MFSD6: variants seen among roughly 807,000 people sequenced by gnomAD.
MFSD6 encodes major facilitator superfamily domain-containing protein 6.
MFSD6 carries 26 observed loss-of-function variants against 56.3 expected under a neutral mutation model. The ratio of observed to expected loss-of-function variants is 0.46; its 90% CI spans 0.34 to 0.64. MFSD6 has a LOEUF of 0.64. Ranked by LOEUF, MFSD6 falls within the 30% of genes least tolerant of loss-of-function variation. The probability of loss-of-function intolerance (pLI) is 0.01; values close to 1 mark genes in which losing one functional copy is unlikely to be tolerated. For synonymous variants in MFSD6, 331 were observed against 366.9 expected (o/e 0.90, Z 1.12); for missense variants, 750 against 986.2 (o/e 0.76, Z 3.21).
In MFSD6 at chr2:190,410,511, A is replaced by AT. The variant is rs1319652266; in HGVS notation, c.-176+2009dup. On this transcript the variant is annotated intron_variant, in intron 1 of 7. Coordinates refer to ENST00000392328, the MANE Select transcript of MFSD6 (RefSeq NM_017694.4). This position sits in a 1 kb window ranked among gnomAD's most constrained non-coding sequence, Gnocchi z 4.4. ...TGATTTCAATGTACATGTATTACTT[A>AT]TGTTAACATTTAGCCATGTAGGATA... 3.9e-5 allele frequency among the ~76,000 whole-genome samples: 6 copies of AT among 152,214 alleles called. No homozygotes were observed. Among genetic ancestry groups the AT allele is most frequent in the Admixed American group, 1.3e-4 (2 of 15,290 alleles).
intron 3 of MFSD6, among the ~76,000 whole-genome samples, chr2:190,446,617 C>T (rs2125075450): frequency 6.6e-6 from 1 of 152,240 alleles, no homozygotes; most frequent in South Asian, 2.1e-4. Flanking sequence ...ACTAGGAAGG[C>T]ACATTCATTT....
chr2:190,424,197 A>G lies in MFSD6; in HGVS notation c.-54+8784A>G, dbSNP rs1685717810. The stretch of plus-strand genomic sequence containing the variant: ...TCATGGTATCGGTGTCAAGTCTAAA[A>G]ACTCTGCCTAGCACTAGAGGCTAAA... On this transcript the variant is annotated intron_variant, in intron 2 of 7. Transcript: ENST00000392328. This position sits in a 1 kb window ranked among gnomAD's most constrained non-coding sequence, Gnocchi z 5.9. 6.7e-6 allele frequency among the ~76,000 whole-genome samples: 1 copy of G among 149,912 alleles called. No individual in the cohort carries two copies. The highest frequency in any genetic ancestry group is 2.4e-5 in the African/African-American group (1 of 40,852).
Position 190,457,820 on chromosome 2 carries a change from G to A in MFSD6, c.1533-11938G>A, listed in dbSNP as rs896293259. Among the ~76,000 whole-genome samples, 20 of 152,160 alleles carry A rather than the reference G, an allele frequency of 1.3e-4. No individual in the cohort carries two copies. Among genetic ancestry groups the A allele is most frequent in the Admixed American group, 3.9e-4 (6 of 15,274 alleles). On this transcript the variant is annotated intron_variant, in intron 3 of 7. Coordinates refer to ENST00000392328, the MANE Select transcript of MFSD6 (RefSeq NM_017694.4). The surrounding 1 kb of genome is among the most constrained non-coding windows in gnomAD (Gnocchi z 5.1). ...CCTCAACTATGCATGTGCCCTGGAT[G>A]CCACCACCTTGGCCAGCGTGCAGCA...
At position 190,431,855 on chromosome 2, in the gene MFSD6, TTTTA is replaced by T. The variant is rs1686015784; in HGVS notation, c.-53-4119_-53-4116del. On this transcript the variant is annotated intron_variant, in intron 2 of 7. Transcript: ENST00000392328. This position sits in a 1 kb window ranked among gnomAD's most constrained non-coding sequence, Gnocchi z 4.4. ...TATAATACTTATAAATTCCAGAGCT[TTTTA>T]TTCAAGTATTCCTTTTATCTGTCCA... Among the ~76,000 whole-genome samples the T allele has an allele frequency of 6.6e-6, 1 of 152,372 alleles. No homozygotes were observed. Among genetic ancestry groups the T allele is most frequent in the Non-Finnish European group, 1.5e-5 (1 of 68,030 alleles).
chr2:190,489,642 C>A lies in MFSD6; in HGVS notation c.1793-126C>A. On this transcript the variant is annotated intron_variant, in intron 5 of 7. Transcript: ENST00000392328. This position sits in a 1 kb window ranked among gnomAD's most constrained non-coding sequence, Gnocchi z 6.6. ...TCCATTATGTGGAGCTAATACCCAA[C>A]TACTTTTCTCTGGTTTGTCTCAAGC... is the stretch of plus-strand genomic sequence containing the variant. The A allele has an allele frequency of 1.2e-6, 1 of 834,724 alleles. No homozygotes were observed. Among genetic ancestry groups the A allele is most frequent in the Non-Finnish European group, 1.9e-6 (1 of 538,878 alleles). The allele number at this position is 834,724 out of a possible 1,614,324, so 51.7% of individuals were successfully genotyped here.
chr2:190,497,372 A>AT lies in MFSD6; in HGVS notation c.1892-62dup. ...TATGGGATTCTTGGTTTATTTATTTATTTTTACCTTTGTTCAAATATGTAG... is the reference window on the plus strand; with the variant it reads ...TATGGGATTCTTGGTTTATTTATTTATTTTTTACCTTTGTTCAAATATGTAG... On this transcript the variant is annotated intron_variant, in intron 6 of 7. Coordinates refer to ENST00000392328, the MANE Select transcript of MFSD6 (RefSeq NM_017694.4). The surrounding 1 kb of genome is among the most constrained non-coding windows in gnomAD (Gnocchi z 5.2). 1 of 1,537,846 alleles carries AT rather than the reference A, an allele frequency of 6.5e-7. No individual in the cohort carries two copies. Among genetic ancestry groups the AT allele is most frequent in the Non-Finnish European group, 8.8e-7 (1 of 1,136,458 alleles).
chr2:190,486,350 TG>T (rs1689008097), intron 4 of MFSD6, among the ~76,000 whole-genome samples: 4 of 152,372 alleles, frequency 2.6e-5, no homozygotes, highest in Middle Eastern at 6.8e-3. Flanking sequence ...ATCAGTACTC[TG>T]CTGAATACGT....
Position 190,428,394 on chromosome 2 carries a change from T to C in MFSD6, c.-53-7583T>C, listed in dbSNP as rs1216942029. Among the ~76,000 whole-genome samples, 12 of 152,194 alleles carry C rather than the reference T, an allele frequency of 7.9e-5. No individual in the cohort carries two copies. In the East Asian group the frequency reaches 2.1e-3, roughly 27 times the overall value. On this transcript the variant is annotated intron_variant, in intron 2 of 7. Transcript: ENST00000392328. ...TAGCTATTCCCAGTTTTTAAAGTAG[T>C]GTATCAATTTACAGTCCCACCAGCA...
rs1410164930 is a variant in MFSD6, at chr2:190,412,158, C to T, written c.-175-3134C>T. 2 of 983,646 alleles carry T rather than the reference C, an allele frequency of 2.0e-6. No homozygotes were observed. Among genetic ancestry groups the T allele is most frequent in the Non-Finnish European group, 2.4e-6 (2 of 828,434 alleles). The allele number at this position is 983,646 out of a possible 1,614,324, so 60.9% of individuals were successfully genotyped here. On this transcript the variant is annotated intron_variant, in intron 1 of 7. Transcript: ENST00000392328. This position sits in a 1 kb window ranked among gnomAD's most constrained non-coding sequence, Gnocchi z 4.1. ...TTCTATGTAAAATTAACTAAAACCACTGCTTAGAATCCTTAAAAATTAATA... is the reference window on the plus strand; with the variant it reads ...TTCTATGTAAAATTAACTAAAACCATTGCTTAGAATCCTTAAAAATTAATA...
rs1690885506 is a variant in MFSD6 at position 190,418,558 on chromosome 2, C to G, written c.-54+3145C>G. Among the ~76,000 whole-genome samples the G allele has an allele frequency of 6.6e-6, 1 of 152,020 alleles. No homozygotes were observed. Among genetic ancestry groups the G allele is most frequent in the Non-Finnish European group, 1.5e-5 (1 of 68,024 alleles). On this transcript the variant is annotated intron_variant, in intron 2 of 7. Coordinates refer to ENST00000392328, the MANE Select transcript of MFSD6 (RefSeq NM_017694.4). This position sits in a 1 kb window ranked among gnomAD's most constrained non-coding sequence, Gnocchi z 4.1. ...ATCACTTGAGCCCAGGAGTTCAAGACCAGCCTGGGCAACATAGTGAGACCC... is the reference window on the plus strand; with the variant it reads ...ATCACTTGAGCCCAGGAGTTCAAGAGCAGCCTGGGCAACATAGTGAGACCC...
rs1423704290 is a variant in MFSD6, at chr2:190,415,818, G to A, written c.-54+405G>A. Among the ~76,000 whole-genome samples, 1 of 152,156 alleles carries A rather than the reference G, an allele frequency of 6.6e-6. No homozygotes were observed. Among genetic ancestry groups the A allele is most frequent in the Non-Finnish European group, 1.5e-5 (1 of 68,030 alleles). ...TAGGAAAATGTATTATAAACCTTGA[G>A]ATCTATATTCTGGTCTCAATTGTAA... On this transcript the variant is annotated intron_variant, in intron 2 of 7. Coordinates refer to ENST00000392328, the MANE Select transcript of MFSD6 (RefSeq NM_017694.4). The surrounding 1 kb of genome is among the most constrained non-coding windows in gnomAD (Gnocchi z 4.5).
intron 1 of MFSD6, among the ~76,000 whole-genome samples, chr2:190,409,300 C>G (rs150274282): frequency 5.3e-5 from 8 of 152,270 alleles, no homozygotes; most frequent in African/African-American, 1.9e-4. Flanking sequence ...ATCCCATCCC[C>G]ACATGGACAG....
rs189133680 is a variant in MFSD6, at chr2:190,439,667, C to T, written c.1532+2106C>T. ...CTTAACCTTAATTTTCTGGTTTTTA[C>T]GGACAAAAAGCATCTTCCATTTCTT... On this transcript the variant is annotated intron_variant, in intron 3 of 7. Transcript: ENST00000392328. This position sits in a 1 kb window ranked among gnomAD's most constrained non-coding sequence, Gnocchi z 5.8. Among the ~76,000 whole-genome samples, 49 of 152,174 alleles carry T rather than the reference C, an allele frequency of 3.2e-4. No homozygotes were observed. Among genetic ancestry groups the T allele is most frequent in the Admixed American group, 2.5e-3 (38 of 15,294 alleles).
chr2:190,409,498 T>C (rs540296135), intron 1 of MFSD6, among the ~76,000 whole-genome samples: 1 of 152,160 alleles, frequency 6.6e-6, no homozygotes, highest in Non-Finnish European at 1.5e-5. Context: ...CTTGGGCATG[T>C]CACATCTTCC....
At chr2:190,430,442 C>T (rs905744962) in intron 2 of MFSD6, among the ~76,000 whole-genome samples, 2 of 151,382 alleles carry the variant, frequency 1.3e-5, no homozygotes, top group Admixed American at 1.3e-4. Context: ...ATCTGTTTAA[C>T]AAAGCACATC....
chr2:190,436,618 G>A lies in MFSD6; in HGVS notation c.589G>A (p.Glu197Lys), dbSNP rs1240059924. 2 of 1,614,180 alleles carry A rather than the reference G, an allele frequency of 1.2e-6. No individual in the cohort carries two copies. Among genetic ancestry groups the A allele is most frequent in the Admixed American group, 3.3e-5 (2 of 60,026 alleles). ...SFLTISPKMR[E>K]KRNLLETRLN... ...CCTCACCATATCACCAAAAATGCGT[G>A]AGAAAAGAAACCTTTTGGAAACAAG... The change falls in exon 3 of 8, where the codon GAG (glutamate) becomes AAG (lysine). Residue 197 changes from glutamate (E) to lysine (K), a missense_variant. Glu to Lys is a moderately conservative substitution (Grantham distance 56). Transcript: ENST00000392328. This position sits in a 1 kb window ranked among gnomAD's most constrained non-coding sequence, Gnocchi z 5.3.
intron 2 of MFSD6, among the ~76,000 whole-genome samples, chr2:190,430,899 C>A (rs1031177431): frequency 2.0e-5 from 3 of 151,772 alleles, no homozygotes; most frequent in African/African-American, 2.4e-5. Context: ...ACGCTCCTCA[C>A]TTCCCAGATG....
In MFSD6 at chr2:190,463,828, A is replaced by G. The variant is rs1687457589; in HGVS notation, c.1533-5930A>G. The G allele has an allele frequency of 4.2e-6, 4 of 948,698 alleles. No homozygotes were observed. The highest frequency in any genetic ancestry group is 3.8e-6 in the Non-Finnish European group (3 of 796,554). 58.8% of individuals were successfully genotyped at this position (948,698 alleles called of 1,614,324 possible). A position where few individuals can be genotyped will look rare whatever the true frequency, so the allele number is the denominator to read the frequency against. On this transcript the variant is annotated intron_variant, in intron 3 of 7. Coordinates refer to ENST00000392328, the MANE Select transcript of MFSD6 (RefSeq NM_017694.4). This position sits in a 1 kb window ranked among gnomAD's most constrained non-coding sequence, Gnocchi z 4.4. The stretch of plus-strand genomic sequence containing the variant: ...GAGCAAGACCCTGTCTCAAAAATAA[A>G]TAAATAAATAAAATAAAAATAAAAA...
At chr2:190,486,605 C>T (rs369130785) in intron 4 of MFSD6, among the ~76,000 whole-genome samples, 9 of 152,342 alleles carry the variant, frequency 5.9e-5, no homozygotes, top group East Asian at 5.8e-4. Flanking sequence ...TCAGGAACCA[C>T]TGTCTCATAT....
Sources: gnomAD v4.1 joint callset for allele counts (sites outside exome capture counted in the v4.1 genomes callset) on GRCh38, gnomAD v4.1.1 for gene constraint, Gnocchi (gnomAD v3.1) non-coding constraint, MANE v1.5 for transcripts, NCBI Gene and HGNC (gene_info 2026-07-23, HGNC 2026-07-21) for gene names.